NOMO2: variants seen among roughly 807,000 people sequenced by gnomAD.
NOMO2 encodes the protein NODAL modulator 2.
Under a neutral mutation model 67.1 loss-of-function variants are expected in NOMO2, and 14 were observed. The ratio of observed to expected loss-of-function variants is 0.21; its 90% confidence interval spans 0.14 to 0.33. The LOEUF is 0.33. NOMO2 is among the 10% of genes least tolerant of loss of function. The pLI is 1.00. For missense variants in NOMO2, 178 were observed against 761.0 expected (o/e 0.23, Z 9.01); for synonymous variants, 80 against 305.9 (o/e 0.26, Z 7.71).
chr16:18,554,205 C>T lies in NOMO2; in HGVS notation c.301+602G>A, dbSNP rs536061423. 4.3e-3 allele frequency among the ~76,000 whole-genome samples: 654 copies of T among 152,078 alleles called. 5 individuals carry two copies. Among genetic ancestry groups the T allele is most frequent in the Non-Finnish European group, 5.3e-3 (363 of 67,990 alleles). Reference sequence around the variant, plus strand: ...CTGAATACTGAGTACTTGCTAATTACGTGCCAGCCCCTCTGAACACTCAGT... The same window carrying T: ...CTGAATACTGAGTACTTGCTAATTATGTGCCAGCCCCTCTGAACACTCAGT... On this transcript the variant is annotated intron_variant, in intron 3 of 30. Coordinates refer to ENST00000622306, the MANE Select transcript of NOMO2 (RefSeq NM_173614.4).
rs1901482550 is a variant in NOMO2 at position 18,538,848 on chromosome 16, T to TG, written c.1069+10dup. The TG allele has an allele frequency of 1.3e-6, 2 of 1,497,494 alleles. No individual in the cohort carries two copies. Among genetic ancestry groups the TG allele is most frequent in the Non-Finnish European group, 1.8e-6 (2 of 1,096,240 alleles). The allele number at this position is 1,497,494 out of a possible 1,614,324, so 92.8% of individuals were successfully genotyped here. ...GCTGGCCATCAGCCTGGGGCTGCTGTGTCAGCCCACCTTTGATTTGGTTAT... is the reference window on the plus strand; with the variant it reads ...GCTGGCCATCAGCCTGGGGCTGCTGTGGTCAGCCCACCTTTGATTTGGTTAT... On this transcript the variant is annotated intron_variant, in intron 10 of 30. Coordinates refer to ENST00000622306, the MANE Select transcript of NOMO2 (RefSeq NM_173614.4).
rs2561926 is a variant in NOMO2, at chr16:18,528,726, A to G, written c.1806+775T>C. On this transcript the variant is annotated intron_variant, in intron 15 of 30. Transcript: ENST00000622306. ...TCCTAGCACTCTGCGAGGCCAACAC[A>G]GGTGGATCCCCTGAGGTCAGGAGTT... Among the ~76,000 whole-genome samples the G allele has an allele frequency of 3.4e-3, 519 of 150,606 alleles. 3 individuals carry two copies. Among genetic ancestry groups the G allele is most frequent in the African/African-American group, 7.1e-3 (290 of 40,644 alleles).
chr16:18,530,886 C>T (rs1378152537), intron 14 of NOMO2, 151 bp downstream of exon 14: 14 of 322,036 alleles, frequency 4.3e-5, no homozygotes, highest in Non-Finnish European at 7.6e-5. Context: ...GCTTGTCCAA[C>T]GCTAAATAAT....
At chr16:18,561,666 C>T (rs1308616815) in intron 1 of NOMO2, among the ~76,000 whole-genome samples, 3 of 150,850 alleles carry the variant, frequency 2.0e-5, no homozygotes, top group East Asian at 2.0e-4. Flanking sequence ...TCTGGCACCC[C>T]TCAGTCCTTA....
intron 9 of NOMO2, among the ~76,000 whole-genome samples, chr16:18,539,335 C>T (rs1286289296): frequency 2.0e-5 from 3 of 151,810 alleles, no homozygotes; most frequent in African/African-American, 7.3e-5. Context: ...CTCCCATGCA[C>T]ACCCCGGCAT....
rs376886736 is a variant in NOMO2 at position 18,529,559 on chromosome 16, A to G, written c.1748T>C (p.Val583Ala). 2.5e-6 allele frequency: 4 copies of G among 1,609,018 alleles called. No individual in the cohort carries two copies. The highest frequency in any genetic ancestry group is 1.7e-5 in the Admixed American group (1 of 59,738). The part of the protein sequence containing the change: ...VEVLEDDVSA[V>A]EFRQTGYMLR... ...CATGTAGCCCGTCTGCCTGAACTCA[A>G]CTGCAGACACGTCATCCTCCAGCAC... is the stretch of plus-strand genomic sequence containing the variant. Residue 583 changes from valine to alanine, a missense_variant, in exon 15 of 31, where the codon GTT (valine) becomes GCT (alanine). Val to Ala is a moderately conservative substitution (Grantham distance 64). Transcript: ENST00000622306.
At chr16:18,539,757 AAAG>A (rs1901506762) in intron 9 of NOMO2, among the ~76,000 whole-genome samples, 1 of 151,702 alleles carries the variant, frequency 6.6e-6, no homozygotes, top group African/African-American at 2.4e-5. Flanking sequence ...AAAGAAAAAA[AAAG>A]AAATCCACCT....
intron 5 of NOMO2, among the ~76,000 whole-genome samples, chr16:18,547,545 C>T (rs1209422886): frequency 6.6e-6 from 1 of 152,008 alleles, no homozygotes; most frequent in Non-Finnish European, 1.5e-5. Context: ...GGAGTGCTTA[C>T]GTCTCCCTTA....
chr16:18,542,012 G>A (rs1442708858), intron 9 of NOMO2, among the ~76,000 whole-genome samples, 160 bp downstream of exon 9: 2 of 33,622 alleles, frequency 5.9e-5, no homozygotes, highest in East Asian at 6.2e-4. Flanking sequence ...AGCTCTCTAC[G>A]ATAAGGACAT....
At chr16:18,561,196 A>AAAAAC (rs1902040764) in intron 1 of NOMO2, among the ~76,000 whole-genome samples, 1 of 46,180 alleles carries the variant, frequency 2.2e-5, no homozygotes, top group African/African-American at 6.4e-5. Flanking sequence ...AAAAAAAAAA[A>AAAAAC]AAAAAAAAAA....
intron 14 of NOMO2, among the ~76,000 whole-genome samples, 198 bp downstream of exon 14, chr16:18,530,839 C>G (rs1448386881): frequency 2.6e-4 from 24 of 93,418 alleles, no homozygotes; most frequent in Non-Finnish European, 4.6e-5. Flanking sequence ...GCTGTGCAGA[C>G]AAGGTGGCGG....
chr16:18,543,135 G>C (rs1391752324), intron 7 of NOMO2, among the ~76,000 whole-genome samples: 5 of 136,732 alleles, frequency 3.7e-5, no homozygotes, highest in African/African-American at 1.3e-4. Flanking sequence ...TCCCAGTGTA[G>C]ATGTGCAATG....
At chr16:18,542,356 TCAGA>T (rs1225834087) in intron 8 of NOMO2, 95 bp from the exon 9 acceptor site, 2 of 618,594 alleles carry the variant, frequency 3.2e-6, no homozygotes, top group African/African-American at 3.8e-5. Context: ...GACAAGGGGT[TCAGA>T]CAGACCAAGA....
chr16:18,551,164 AC>A (rs1330761192), intron 4 of NOMO2, among the ~76,000 whole-genome samples: 1 of 151,906 alleles, frequency 6.6e-6, no homozygotes, highest in African/African-American at 2.4e-5. Flanking sequence ...ATAGAGCAAG[AC>A]CCTGTCTCAA....
chr16:18,536,351 A>G (rs1049754629), intron 11 of NOMO2, among the ~76,000 whole-genome samples: 25 of 152,348 alleles, frequency 1.6e-4, no homozygotes, highest in African/African-American at 6.0e-4. Context: ...CTCCCACTCT[A>G]AATTAGCTCT....
chr16:18,507,429 C>G (rs1901012823), intron 28 of NOMO2, among the ~76,000 whole-genome samples: 1 of 44,776 alleles, frequency 2.2e-5, no homozygotes, highest in Non-Finnish European at 4.3e-5. Context: ...AAAAATACAG[C>G]ATCCCTGGAA....
intron 2 of NOMO2, among the ~76,000 whole-genome samples, chr16:18,556,485 T>A (rs1901907050): frequency 1.3e-5 from 2 of 150,320 alleles, no homozygotes; most frequent in African/African-American, 4.9e-5. Flanking sequence ...ATGCTAATGT[T>A]GAAAGCATGC....
At chr16:18,520,414 A>ACCATCCAT (rs766197133) in intron 20 of NOMO2, among the ~76,000 whole-genome samples, 183 bp downstream of exon 20, 22 of 146,254 alleles carry the variant, frequency 1.5e-4, no homozygotes, top group Non-Finnish European at 2.6e-4. Flanking sequence ...ATCCAACCCA[A>ACCATCCAT]CCATCCATCC....
rs1427554068 is a variant in NOMO2 at position 18,537,406 on chromosome 16, T to C, written c.1220+1120A>G. Among the ~76,000 whole-genome samples the C allele has an allele frequency of 1.3e-5, 2 of 149,342 alleles. 1 individual carries two copies. The highest frequency in any genetic ancestry group is 4.9e-5 in the African/African-American group (2 of 41,024). On this transcript the variant is annotated intron_variant, in intron 11 of 30. Transcript: ENST00000622306. Reference sequence around the variant, plus strand: ...CTACTCCATGCCACTGTTTTCAGAATGCCCTATTGAAAACAATGATCAAAG... The same window carrying C: ...CTACTCCATGCCACTGTTTTCAGAACGCCCTATTGAAAACAATGATCAAAG...
Sources: gnomAD v4.1 joint callset for allele counts (sites outside exome capture counted in the v4.1 genomes callset) on GRCh38, gnomAD v4.1.1 for gene constraint, MANE v1.5 for transcripts, NCBI Gene and HGNC (gene_info 2026-07-23, HGNC 2026-07-21) for gene names.